MARCHF1: variants seen among roughly 807,000 people sequenced by gnomAD.
MARCHF1 encodes the protein E3 ubiquitin-protein ligase MARCHF1.
A neutral mutation model predicts 54.2 loss-of-function variants in MARCHF1; 40 were observed. That is an observed-to-expected ratio of 0.74 (90% confidence interval 0.57 to 0.96). The LOEUF is 0.96. MARCHF1 is among the 40% of genes least tolerant of loss of function. The pLI is 0.00. For missense variants in MARCHF1, 586 were observed against 656.5 expected (o/e 0.89, Z 1.17); for synonymous variants, 236 against 236.3 (o/e 1.00, Z 0.01).
chr4:164,117,411 G>A (rs1755961215), intron 1 of MARCHF1, among the ~76,000 whole-genome samples: 1 of 151,944 alleles, frequency 6.6e-6, no homozygotes, highest in South Asian at 2.1e-4. Flanking sequence ...CATTTTAAAA[G>A]GTGGATTTGG....
At chr4:164,174,849 A>G (rs1187301304) in intron 1 of MARCHF1, among the ~76,000 whole-genome samples, 1 of 152,228 alleles carries the variant, frequency 6.6e-6, no homozygotes, top group Non-Finnish European at 1.5e-5. Context: ...CATGCTTTTT[A>G]TAAGCCATTA....
At chr4:163,619,107 T>C (rs1453076788) in intron 5 of MARCHF1, among the ~76,000 whole-genome samples, 4 of 152,150 alleles carry the variant, frequency 2.6e-5, no homozygotes, top group African/African-American at 9.7e-5. Context: ...AGGTGAGAAG[T>C]GGTACATAGT....
chr4:163,782,743 A>C (rs1013581466), intron 4 of MARCHF1, among the ~76,000 whole-genome samples: 15 of 151,998 alleles, frequency 9.9e-5, no homozygotes. Flanking sequence ...GCATATATAC[A>C]TGGGGATGGA....
intron 7 of MARCHF1, among the ~76,000 whole-genome samples, chr4:163,592,731 A>G (rs1579092679): frequency 6.6e-6 from 1 of 152,058 alleles, no homozygotes; most frequent in Admixed American, 6.6e-5. Flanking sequence ...CATTGATACT[A>G]GGACTTTAAA....
In MARCHF1 at chr4:164,019,161, A is replaced by G. The variant is rs567767918; in HGVS notation, c.-247-30452T>C. Reference sequence around the variant, plus strand: ...GTGAGGTTAGGGTATTTGTCTTCCAATTCTCTCTGTTTCTTACATTTCCAA... The same window carrying G: ...GTGAGGTTAGGGTATTTGTCTTCCAGTTCTCTCTGTTTCTTACATTTCCAA... On this transcript the variant is annotated intron_variant, in intron 2 of 9. Transcript: ENST00000514618. Among the ~76,000 whole-genome samples the G allele has an allele frequency of 3.9e-5, 6 of 152,174 alleles. No individual in the cohort carries two copies. In the South Asian group the frequency reaches 1.0e-3, roughly 26 times the overall value.
chr4:163,635,450 A>G (rs1017513066), intron 5 of MARCHF1, among the ~76,000 whole-genome samples: 12 of 149,790 alleles, frequency 8.0e-5, no homozygotes, highest in Non-Finnish European at 1.5e-4. Context: ...CTACCATCAG[A>G]GAATACTACA....
At chr4:164,028,819 C>G (rs1753821315) in intron 2 of MARCHF1, among the ~76,000 whole-genome samples, 1 of 152,126 alleles carries the variant, frequency 6.6e-6, no homozygotes, top group South Asian at 2.1e-4. Context: ...ATCATCTCAC[C>G]ATACACTGCA....
At chr4:164,222,209 C>G (rs1164891727) in intron 1 of MARCHF1, among the ~76,000 whole-genome samples, 2 of 151,554 alleles carry the variant, frequency 1.3e-5, no homozygotes, top group Admixed American at 1.3e-4. Context: ...ACATATAACA[C>G]CACCTGTCAA....
At chr4:163,738,027 T>C (rs2111349251) in intron 4 of MARCHF1, among the ~76,000 whole-genome samples, 1 of 152,282 alleles carries the variant, frequency 6.6e-6, no homozygotes, top group African/African-American at 2.4e-5. Context: ...GGCTTCCTGG[T>C]GGTCTGGATG....
At chr4:164,113,215 T>A (rs34291409) in intron 1 of MARCHF1, among the ~76,000 whole-genome samples, 26,982 of 151,934 alleles carry the variant, frequency 0.18, 3,111 homozygotes, top group Non-Finnish European at 0.26. Flanking sequence ...TTATGAAATA[T>A]CATTGGGTGC....
At chr4:163,899,492 T>A (rs544794489) in intron 3 of MARCHF1, among the ~76,000 whole-genome samples, 1 of 152,168 alleles carries the variant, frequency 6.6e-6, no homozygotes, top group Non-Finnish European at 1.5e-5. Context: ...TTGCCAATTC[T>A]ACTTCATTTT....
chr4:163,927,660 C>T (rs1361478197), intron 3 of MARCHF1, among the ~76,000 whole-genome samples: 1 of 151,658 alleles, frequency 6.6e-6, no homozygotes, highest in African/African-American at 2.4e-5. Context: ...TTAGAGTAAA[C>T]TATATACACA....
intron 1 of MARCHF1, among the ~76,000 whole-genome samples, chr4:164,291,641 A>G (rs1325068694): frequency 2.0e-5 from 3 of 152,078 alleles, no homozygotes; most frequent in Non-Finnish European, 4.4e-5. Context: ...GGTATAGCCT[A>G]TTGCTCCTAG....
chr4:164,342,923 G>A lies in MARCHF1; in HGVS notation c.-323+40947C>T, dbSNP rs372565852. 2.6e-4 allele frequency among the ~76,000 whole-genome samples: 40 copies of A among 152,142 alleles called. 4 individuals are homozygous for A. In the East Asian group the frequency reaches 3.7e-3, roughly 14 times the overall value. The stretch of plus-strand genomic sequence containing the variant: ...AAATGATGCATGATCTTACTTATAC[G>A]TGGAATCTAAAAAAGTCAAATTCAC... On this transcript the variant is annotated intron_variant, in intron 1 of 9. Coordinates refer to ENST00000514618, the MANE Select transcript of MARCHF1 (RefSeq NM_001394959.1).
chr4:164,268,858 A>G (rs1243017701), intron 1 of MARCHF1, among the ~76,000 whole-genome samples: 2 of 152,174 alleles, frequency 1.3e-5, no homozygotes, highest in Non-Finnish European at 2.9e-5. Flanking sequence ...AGAAAAAAGC[A>G]ATAAGAAGCC....
intron 4 of MARCHF1, among the ~76,000 whole-genome samples, chr4:163,775,517 A>G (rs1747280581): frequency 6.6e-6 from 1 of 152,158 alleles, no homozygotes; most frequent in South Asian, 2.1e-4. Flanking sequence ...ACATAGATAA[A>G]GAATATGCAT....
intron 4 of MARCHF1, among the ~76,000 whole-genome samples, chr4:163,789,872 G>C (rs1561078726): frequency 2.6e-5 from 4 of 152,028 alleles, no homozygotes; most frequent in African/African-American, 7.2e-5. Flanking sequence ...GTTTCAGAAT[G>C]CCATAGTTCA....
chr4:164,155,103 T>C (rs1239624492), intron 1 of MARCHF1, among the ~76,000 whole-genome samples: 1 of 152,146 alleles, frequency 6.6e-6, no homozygotes, highest in Non-Finnish European at 1.5e-5. Context: ...TTCTGGAGCC[T>C]GGGGTTTGGG....
chr4:163,622,604 A>G (rs1245483329), intron 5 of MARCHF1, among the ~76,000 whole-genome samples: 2 of 152,146 alleles, frequency 1.3e-5, no homozygotes, highest in Non-Finnish European at 2.9e-5. Flanking sequence ...CTAAGTAACT[A>G]TACGTAGCAA....
Sources: allele counts gnomAD v4.1 joint callset (sites outside exome capture counted in the v4.1 genomes callset), GRCh38; gene constraint gnomAD v4.1.1; transcripts MANE v1.5; gene names NCBI Gene and HGNC (gene_info 2026-07-23, HGNC 2026-07-21).